Variants in RALYL observed in about 807,000 individuals in gnomAD.
The protein encoded by RALYL is RALY RNA binding protein like.
In RALYL, 29 loss-of-function variants were observed where a neutral mutation model predicts 35.1. The ratio of observed to expected loss-of-function variants is 0.83; its 90% CI spans 0.61 to 1.13. RALYL has a LOEUF of 1.13. RALYL is among the 50% of genes most tolerant of loss of function. The pLI, the probability that RALYL is intolerant of heterozygous loss-of-function variation, is 0.00. For missense variants in RALYL, 359 were observed against 360.4 expected (o/e 1.00, Z 0.03); for synonymous variants, 120 against 127.6 (o/e 0.94, Z 0.40).
intron 4 of RALYL, among the ~76,000 whole-genome samples, chr8:84,832,898 G>C (rs999060482): frequency 6.6e-6 from 1 of 152,008 alleles, no homozygotes; most frequent in Non-Finnish European, 1.5e-5. Flanking sequence ...AGAAGCTCAA[G>C]GTATTGGTAT....
intron 1 of RALYL, among the ~76,000 whole-genome samples, chr8:84,322,996 G>C (rs1845158370): frequency 6.6e-6 from 1 of 152,058 alleles, no homozygotes; most frequent in South Asian, 2.1e-4. Context: ...TGAAGATTGA[G>C]ATACAAGTAA....
At chr8:84,636,381 A>G (rs1335085535) in intron 2 of RALYL, among the ~76,000 whole-genome samples, 1 of 151,844 alleles carries the variant, frequency 6.6e-6, no homozygotes, top group Non-Finnish European at 1.5e-5. Flanking sequence ...TTAGTATCAT[A>G]GAATAGAGTA....
intron 2 of RALYL, among the ~76,000 whole-genome samples, chr8:84,737,599 A>C (rs1847546199): frequency 6.6e-6 from 1 of 152,000 alleles, no homozygotes; most frequent in African/African-American, 2.4e-5. Context: ...AAAATCAATC[A>C]TGTTTTCATT....
intron 1 of RALYL, among the ~76,000 whole-genome samples, chr8:84,441,136 A>G (rs1027763626): frequency 6.6e-6 from 1 of 152,130 alleles, no homozygotes; most frequent in Non-Finnish European, 1.5e-5. Context: ...ATATTAATGT[A>G]TAAAACAGTC....
intron 6 of RALYL, among the ~76,000 whole-genome samples, chr8:84,863,090 T>C (rs1226435202): frequency 6.6e-6 from 1 of 152,226 alleles, no homozygotes; most frequent in East Asian, 1.9e-4. Flanking sequence ...GTTAGAATAT[T>C]ATTCATAAAG....
intron 1 of RALYL, among the ~76,000 whole-genome samples, chr8:84,344,345 C>T (rs928274347): frequency 2.6e-5 from 4 of 151,864 alleles, no homozygotes; most frequent in African/African-American, 9.7e-5. Context: ...ATGTATTTTT[C>T]CTTTATTCAA....
In RALYL at chr8:84,751,240, T is replaced by C. The variant is rs374742154; in HGVS notation, c.257-23339T>C. Among the ~76,000 whole-genome samples, 18 of 152,064 alleles carry C rather than the reference T, an allele frequency of 1.2e-4. No individual in the cohort carries two copies. The East Asian group carries it at 1.6e-3, about 13-fold the overall frequency. ...TGCTTTTTTTTTAGACTGAGTCTCA[T>C]TCTATCACCCAGGCTAGGGTGCAGT... On this transcript the variant is annotated intron_variant, in intron 2 of 8. Coordinates refer to ENST00000521268, the MANE Select transcript of RALYL (RefSeq NM_173848.7).
intron 1 of RALYL, among the ~76,000 whole-genome samples, chr8:84,407,068 AAAC>A (rs1374035490): frequency 6.8e-6 from 1 of 146,750 alleles, no homozygotes; most frequent in African/African-American, 2.6e-5. Flanking sequence ...ACACACACAC[AAAC>A]ACACACACAC....
intron 4 of RALYL, among the ~76,000 whole-genome samples, chr8:84,807,418 G>T (rs958190395): frequency 2.6e-5 from 4 of 152,156 alleles, no homozygotes; most frequent in Non-Finnish European, 5.9e-5. Context: ...CTCTTTGATT[G>T]TTGGGCATTT....
At chr8:84,566,160 G>A (rs1327539915) in intron 2 of RALYL, among the ~76,000 whole-genome samples, 2 of 151,366 alleles carry the variant, frequency 1.3e-5, no homozygotes, top group Non-Finnish European at 3.0e-5. Flanking sequence ...ATCTTGAATT[G>A]CATAGAACAT....
intron 2 of RALYL, among the ~76,000 whole-genome samples, chr8:84,606,607 A>G (rs1233701055): frequency 2.6e-5 from 4 of 152,144 alleles, no homozygotes; most frequent in Non-Finnish European, 4.4e-5. Flanking sequence ...GTTTTTCTCT[A>G]AAGAAGTGGA....
At chr8:84,231,701 C>T (rs940429028) in intron 1 of RALYL, among the ~76,000 whole-genome samples, 4 of 152,214 alleles carry the variant, frequency 2.6e-5, no homozygotes, top group African/African-American at 9.6e-5. Context: ...TACATGTTTA[C>T]ATCTGCAAAT....
At chr8:84,396,348 A>C (rs17712267) in intron 1 of RALYL, among the ~76,000 whole-genome samples, 6,255 of 152,206 alleles carry the variant, frequency 0.041, 158 homozygotes, top group Middle Eastern at 0.054. Flanking sequence ...TATAGTTCTT[A>C]AAAGATCATC....
intron 1 of RALYL, among the ~76,000 whole-genome samples, chr8:84,312,979 G>A (rs1316418648): frequency 1.3e-5 from 2 of 152,210 alleles, no homozygotes; most frequent in South Asian, 2.1e-4. Context: ...CCTGCAGCAG[G>A]CTTCTGCATG....
At chr8:84,715,876 A>T (rs1293273521) in intron 2 of RALYL, among the ~76,000 whole-genome samples, 2 of 152,042 alleles carry the variant, frequency 1.3e-5, no homozygotes, top group African/African-American at 4.8e-5. Context: ...GTAAATATTG[A>T]CTCAAAGTAT....
At chr8:84,735,826 G>GAA in intron 2 of RALYL, among the ~76,000 whole-genome samples, 1 of 151,614 alleles carries the variant, frequency 6.6e-6, no homozygotes, top group African/African-American at 2.4e-5. Flanking sequence ...GAGAGAGAGA[G>GAA]AGAGAGAGAG....
intron 4 of RALYL, among the ~76,000 whole-genome samples, chr8:84,834,546 G>C (rs1344242920): frequency 3.3e-5 from 5 of 152,150 alleles, no homozygotes; most frequent in African/African-American, 9.7e-5. Context: ...CCTGGAAAAA[G>C]AAGCTCCTTC....
At chr8:84,725,439 G>T (rs1262119120) in intron 2 of RALYL, among the ~76,000 whole-genome samples, 1 of 151,698 alleles carries the variant, frequency 6.6e-6, no homozygotes, top group East Asian at 1.9e-4. Flanking sequence ...CAGTAACTTT[G>T]ATAATATTGG....
intron 1 of RALYL, among the ~76,000 whole-genome samples, chr8:84,235,967 A>T (rs559668594): frequency 6.6e-6 from 1 of 151,982 alleles, no homozygotes; most frequent in East Asian, 1.9e-4. Context: ...GGGTTTCACC[A>T]TGTTGGCCAG....
Sources: gnomAD v4.1 joint callset for allele counts (sites outside exome capture counted in the v4.1 genomes callset) on GRCh38, gnomAD v4.1.1 for gene constraint, MANE v1.5 for transcripts, NCBI Gene and HGNC (gene_info 2026-07-23, HGNC 2026-07-21) for gene names.